The following SPOCD1 variants were observed in gnomAD, a reference collection of about 807,000 sequenced individuals.
The protein encoded by SPOCD1 is SPOC domain containing 1, also known as SPOC domain-containing protein 1.
SPOCD1 carries 64 observed loss-of-function variants against 92.2 expected under a neutral mutation model. The ratio of observed to expected loss-of-function variants is 0.69; its 90% CI spans 0.57 to 0.86. SPOCD1 has a LOEUF of 0.86. SPOCD1 is among the 40% of genes least tolerant of loss of function. The pLI is 0.00. For synonymous variants in SPOCD1, 578 were observed against 619.3 expected (o/e 0.93, Z 0.99); for missense variants, 1,360 against 1,543.1 (o/e 0.88, Z 1.99).
intron 10 of SPOCD1, 54 bp downstream of exon 10, chr1:31,796,536 G>A (rs761066613): frequency 2.2e-5 from 36 of 1,613,904 alleles, no homozygotes; most frequent in Middle Eastern, 1.6e-4. Context: ...GAGGCGAGGC[G>A]TGGGACCCCC....
Position 31,799,838 on chromosome 1 carries a change from T to C in SPOCD1, c.1754A>G (p.Asp585Gly), listed in dbSNP as rs1297449756. The change falls in exon 6 of 16, where the codon GAT becomes GGT. Residue 585 changes from aspartate to glycine, a missense_variant. Physicochemically the swap from Asp to Gly is moderately conservative, Grantham distance 94. This residue lies in a region of SPOCD1 where 606 missense variants were observed against 601.5 expected (regional missense o/e 1.01). Coordinates refer to ENST00000360482, the MANE Select transcript of SPOCD1 (RefSeq NM_144569.7). ...GTCCTCTGGCTGCTCCGGAAGAGAA[T>C]CCTCTTCAGCCTCCATTGGGCCACT... is the stretch of plus-strand genomic sequence containing the variant. Reference protein sequence around the residue: ...SQSGPMEAEEDSLPEQPEDSA... With the variant: ...SQSGPMEAEEGSLPEQPEDSA... The C allele has an allele frequency of 6.2e-7, 1 of 1,613,938 alleles. No homozygotes were observed. Among genetic ancestry groups the C allele is most frequent in the African/African-American group, 1.3e-5 (1 of 74,912 alleles).
chr1:31,815,188 G>T lies in SPOCD1; in HGVS notation c.146C>A (p.Pro49His). 6.2e-7 allele frequency: 1 copy of T among 1,608,108 alleles called. No homozygotes were observed. Among genetic ancestry groups the T allele is most frequent in the East Asian group, 2.2e-5 (1 of 44,656 alleles). Residue 49 changes from proline to histidine, a missense_variant, in exon 2 of 16, where the codon CCC becomes CAC. Coordinates refer to ENST00000360482, the MANE Select transcript of SPOCD1 (RefSeq NM_144569.7). ...SPDGPGASSG[P>H]GVRAGSRRKI... ...CCTTCTGCTGCCAGCCCTGACTCCG[G>T]GCCCAGAGCTTGCTCCCGGCCCATC...
At chr1:31,807,417 GGGGGAGGGAAGAGA>G (rs1648905697) in intron 2 of SPOCD1, among the ~76,000 whole-genome samples, 1 of 8,522 alleles carries the variant, frequency 1.2e-4, no homozygotes, top group Non-Finnish European at 2.4e-4. Flanking sequence ...AGGGGAGGGA[GGGGGAGGGAAGAGA>G]AGGGGAGGGA....
chr1:31,802,844 C>T (rs779489419), intron 2 of SPOCD1, among the ~76,000 whole-genome samples: 11 of 152,266 alleles, frequency 7.2e-5, no homozygotes, highest in African/African-American at 2.2e-4. Context: ...CTGGAATACA[C>T]ATAAAATATC....
intron 2 of SPOCD1, 109 bp from the exon 3 acceptor site, chr1:31,801,814 T>A: frequency 2.2e-6 from 2 of 920,820 alleles, no homozygotes; most frequent in East Asian, 2.4e-5. Flanking sequence ...GTGTTCAGTG[T>A]TCACTGAGTT....
At chr1:31,806,546 AC>A in intron 2 of SPOCD1, among the ~76,000 whole-genome samples, 1 of 151,648 alleles carries the variant, frequency 6.6e-6, no homozygotes, top group South Asian at 2.1e-4. Flanking sequence ...CGATATGAAA[AC>A]TTTTTTTTTT....
intron 2 of SPOCD1, among the ~76,000 whole-genome samples, chr1:31,806,485 G>T (rs969726521): frequency 2.0e-5 from 3 of 151,782 alleles, no homozygotes; most frequent in Non-Finnish European, 4.4e-5. Context: ...AATTAATTTT[G>T]TAGTTTCTTT....
In SPOCD1 at chr1:31,814,897, G is replaced by C; in HGVS notation, c.437C>G (p.Ala146Gly). 3.1e-6 allele frequency: 5 copies of C among 1,613,792 alleles called. No individual in the cohort carries two copies. Among genetic ancestry groups the C allele is most frequent in the Non-Finnish European group, 4.2e-6 (5 of 1,180,006 alleles). ...TGCAAGCCTCTCCCTGCAGGCCAGAGCTCTCTCTGGGAGGCCAGCAGACCT... is the reference window on the plus strand; with the variant it reads ...TGCAAGCCTCTCCCTGCAGGCCAGACCTCTCTCTGGGAGGCCAGCAGACCT... The part of the protein sequence containing the change: ...CSRSAGLPER[A>G]LACRERLAGV... Residue 146 changes from alanine (A) to glycine (G), a missense_variant, in exon 2 of 16, where the codon GCT becomes GGT. Transcript: ENST00000360482. This position sits in a 1 kb window ranked among gnomAD's most constrained non-coding sequence, Gnocchi z 4.2.
At position 31,790,783 on chromosome 1, in the gene SPOCD1, C is replaced by T. The variant is rs992251798; in HGVS notation, c.3471G>A (p.Ala1157=). 4 of 1,548,286 alleles carry T rather than the reference C, an allele frequency of 2.6e-6. No individual in the cohort carries two copies. Among genetic ancestry groups the T allele is most frequent in the East Asian group, 2.4e-5 (1 of 41,024 alleles). The change falls in exon 16 of 16, where the codon GCG becomes GCA. Residue 1157 remains alanine (A), a synonymous_variant. Coordinates refer to ENST00000360482, the MANE Select transcript of SPOCD1 (RefSeq NM_144569.7). The part of the protein sequence containing the change: ...QALLRHLESL[A]TMSHQLQALL... ...AGGCTTGGAGCTGGTGACTCATGGT[C>T]GCCAGGGATTCGAGGTGCCGGAGCA...
chr1:31,814,252 T>C lies in SPOCD1; in HGVS notation c.1082A>G (p.Gln361Arg), dbSNP rs1478123097. 1 of 1,584,958 alleles carries C rather than the reference T, an allele frequency of 6.3e-7. No homozygotes were observed. The highest frequency in any genetic ancestry group is 1.7e-5 in the Admixed American group (1 of 58,320). The change falls in exon 2 of 16, where the codon CAG becomes CGG. Residue 361 changes from glutamine (Q) to arginine (R), a missense_variant. This residue lies in a region of SPOCD1 where 606 missense variants were observed against 601.5 expected (regional missense o/e 1.01). Coordinates refer to ENST00000360482, the MANE Select transcript of SPOCD1 (RefSeq NM_144569.7). This position sits in a 1 kb window ranked among gnomAD's most constrained non-coding sequence, Gnocchi z 4.2. ...CTGAGCCTTGGCCTCCAGCTCCTCCTGGTCCTGTGCTGGAGCCTGGCCTTC... is the reference window on the plus strand; with the variant it reads ...CTGAGCCTTGGCCTCCAGCTCCTCCCGGTCCTGTGCTGGAGCCTGGCCTTC... Reference protein sequence around the residue: ...SDEGQAPAQDQEELEAKAQPA... With the variant: ...SDEGQAPAQDREELEAKAQPA...
rs935329334 is a variant in SPOCD1, at chr1:31,798,458, C to T, written c.2012G>A (p.Arg671Gln). 2.7e-5 allele frequency: 44 copies of T among 1,610,842 alleles called. No homozygotes were observed. The highest frequency in any genetic ancestry group is 3.3e-5 in the Non-Finnish European group (39 of 1,178,222). ...TKYRSLLFNL[R>Q]DPRNLDLFLK... Reference sequence around the variant, plus strand: ...CCTGCTCACCAGGTTCCTGGGGTCCCGCAGGTTGAACAGCAGGCTGCGATA... The same window carrying T: ...CCTGCTCACCAGGTTCCTGGGGTCCTGCAGGTTGAACAGCAGGCTGCGATA... Residue 671 changes from arginine to glutamine, a missense_variant, in exon 8 of 16, where the codon CGG becomes CAG. Physicochemically the swap from Arg to Gln is conservative, Grantham distance 43. Around this residue, in one of 3 missense-constraint regions of SPOCD1, gnomAD observed 614 missense variants for 757.8 expected, o/e 0.81. Transcript: ENST00000360482. The surrounding 1 kb of genome is among the most constrained non-coding windows in gnomAD (Gnocchi z 4.1).
chr1:31,795,023 T>TTCA (rs1221241417), intron 10 of SPOCD1: 1 of 152,246 alleles, frequency 6.6e-6, no homozygotes, highest in African/African-American at 2.4e-5. Context: ...TTTCCAGGTT[T>TTCA]TCACTATTAC....
rs1324096826 is a variant in SPOCD1 at position 31,798,624 on chromosome 1, G to A, written c.1869-23C>T. The A allele has an allele frequency of 6.2e-7, 1 of 1,607,210 alleles. No individual in the cohort carries two copies. Among genetic ancestry groups the A allele is most frequent in the Middle Eastern group, 1.7e-4 (1 of 6,056 alleles). On this transcript the variant is annotated intron_variant, in intron 7 of 15. Coordinates refer to ENST00000360482, the MANE Select transcript of SPOCD1 (RefSeq NM_144569.7). The surrounding 1 kb of genome is among the most constrained non-coding windows in gnomAD (Gnocchi z 4.1). ...AGGCTGTGGAGGCCAGGGCAGGGCG[G>A]GGGCACTGAGCCCAGGAGGCTCTCC... is the stretch of plus-strand genomic sequence containing the variant.
intron 10 of SPOCD1, chr1:31,796,319 G>A (rs1474699466): frequency 5.6e-6 from 3 of 531,470 alleles, no homozygotes; most frequent in African/African-American, 3.8e-5. Context: ...TGACTATGAT[G>A]ATGGGACTTA....
Position 31,792,678 on chromosome 1 carries a change from C to A in SPOCD1, c.2775G>T (p.Lys925Asn). 1 of 1,596,160 alleles carries A rather than the reference C, an allele frequency of 6.3e-7. No homozygotes were observed. The highest frequency in any genetic ancestry group is 1.1e-5 in the South Asian group (1 of 87,638). The change falls in exon 14 of 16, where the codon AAG (lysine) becomes AAT (asparagine). Residue 925 changes from lysine to asparagine, a missense_variant and splice_region_variant. Physicochemically the swap from Lys to Asn is moderately conservative, Grantham distance 94 (BLOSUM62 0). Around this residue, in one of 3 missense-constraint regions of SPOCD1, gnomAD observed 614 missense variants for 757.8 expected, o/e 0.81. Coordinates refer to ENST00000360482, the MANE Select transcript of SPOCD1 (RefSeq NM_144569.7). ...GGGGTGCCCAAGAGTGGGCAGGTAC[C>A]TTGGCCTTGGCTGGGCAGATGCTGG... ...LLASICPAKAKDVCVVRLCPH... is the reference protein window; with the variant it reads ...LLASICPAKANDVCVVRLCPH...
chr1:31,803,869 GAAGGAAGGAAGGAAGA>G (rs1005939499), intron 2 of SPOCD1, among the ~76,000 whole-genome samples: 9 of 149,740 alleles, frequency 6.0e-5, no homozygotes, highest in African/African-American at 2.0e-4. Context: ...TAGGAAGAAA[GAAGGAAGGAAGGAAGA>G]AAGGAAGGAA....
chr1:31,806,301 G>C lies in SPOCD1; in HGVS notation c.1384-4596C>G, dbSNP rs543947993. ...TACGGAATATTAATCCTAATAACTA[G>C]AGAATACATATTATTTTCCAGTATA... On this transcript the variant is annotated intron_variant, in intron 2 of 15. Coordinates refer to ENST00000360482, the MANE Select transcript of SPOCD1 (RefSeq NM_144569.7). 6.6e-5 allele frequency among the ~76,000 whole-genome samples: 10 copies of C among 152,066 alleles called. No homozygotes were observed. The South Asian group carries it at 1.9e-3, about 28-fold the overall frequency.
chr1:31,800,296 C>A, intron 4 of SPOCD1, 145 bp downstream of exon 4: 1 of 1,429,532 alleles, frequency 7.0e-7, no homozygotes, highest in Non-Finnish European at 9.4e-7. Context: ...GCCAGCCATG[C>A]AGGCTGGGGC....
At chr1:31,793,702 C>G in intron 12 of SPOCD1, 45 bp downstream of exon 12, 3 of 1,612,456 alleles carry the variant, frequency 1.9e-6, no homozygotes, top group African/African-American at 2.7e-5. Context: ...TGGCCTCCCC[C>G]TCAACCCTGC....
Sources: allele counts gnomAD v4.1 joint callset (sites outside exome capture counted in the v4.1 genomes callset), GRCh38; gene constraint gnomAD v4.1.1; regional missense constraint gnomAD v4.1.1; non-coding constraint Gnocchi (gnomAD v3.1); transcripts MANE v1.5; gene names NCBI Gene and HGNC (gene_info 2026-07-23, HGNC 2026-07-21).